Variants in FBXO42 observed in about 807,000 individuals in gnomAD.
The protein encoded by FBXO42 is F-box only protein 42.
FBXO42 carries 12 observed loss-of-function variants against 71.7 expected under a neutral mutation model. The observed-to-expected ratio is 0.17, with a 90% CI of 0.11 to 0.27. FBXO42 has a LOEUF of 0.27. FBXO42 is among the 10% of genes least tolerant of loss of function. The pLI is 1.00. For synonymous variants in FBXO42, 325 were observed against 327.5 expected, an observed-to-expected ratio of 0.99 and a Z score of 0.08; for missense variants, 707 against 911.9, an observed-to-expected ratio of 0.78 and a Z score of 2.89.
intron 4 of FBXO42, among the ~76,000 whole-genome samples, chr1:16,260,523 CTTTTT>C (rs987413235): frequency 6.6e-6 from 1 of 151,930 alleles, no homozygotes. Context: ...TACTATGCAG[CTTTTT>C]AAGTGCTTTG....
chr1:16,350,614 G>A (rs913575161), intron 1 of FBXO42, among the ~76,000 whole-genome samples: 6 of 148,926 alleles, frequency 4.0e-5, no homozygotes, highest in African/African-American at 1.5e-4. Context: ...GGGCGTGGTG[G>A]CGCACACCTG....
intron 4 of FBXO42, among the ~76,000 whole-genome samples, chr1:16,274,242 C>T (rs1299947718): frequency 6.6e-6 from 1 of 151,666 alleles, no homozygotes; most frequent in African/African-American, 2.4e-5. Context: ...AGAGCTGGAG[C>T]TGCGGTGAGC....
chr1:16,256,732 G>C lies in FBXO42; in HGVS notation c.530C>G (p.Ala177Gly), dbSNP rs1376955546. Residue 177 changes from alanine (A) to glycine (G), a missense_variant, in exon 5 of 10, where the codon GCA becomes GGA. Coordinates refer to ENST00000375592, the MANE Select transcript of FBXO42 (RefSeq NM_018994.3). The part of the protein sequence containing the change: ...SGSYPSPKAG[A>G]TLVVYKDLLV... ...CAAGTCCTTGTACACGACCAGAGTT[G>C]CTCCAGCTTTGGGGGAAGGATAGGA... 6.2e-7 allele frequency: 1 copy of C among 1,614,184 alleles called. No homozygotes were observed. Among genetic ancestry groups the C allele is most frequent in the South Asian group, 1.1e-5 (1 of 91,086 alleles).
intron 4 of FBXO42, among the ~76,000 whole-genome samples, chr1:16,288,451 A>AT (rs1170207717): frequency 0.016 from 2,273 of 139,744 alleles, 52 homozygotes; most frequent in African/African-American, 0.058. Flanking sequence ...AATAAAAATA[A>AT]AAATAATAAT....
At chr1:16,261,207 G>C (rs2081707641) in intron 4 of FBXO42, among the ~76,000 whole-genome samples, 1 of 152,112 alleles carries the variant, frequency 6.6e-6, no homozygotes, top group African/African-American at 2.4e-5. Context: ...GCTATTCTTA[G>C]AACCTCTTTT....
chr1:16,343,198 A>G (rs963530674), intron 1 of FBXO42, among the ~76,000 whole-genome samples: 2 of 152,208 alleles, frequency 1.3e-5, no homozygotes, highest in Non-Finnish European at 2.9e-5. Context: ...AATATTTAGT[A>G]TATTTTCCAG....
At chr1:16,350,757 A>AGAAAGAAAG (rs1553156684) in intron 1 of FBXO42, among the ~76,000 whole-genome samples, 20 of 44,268 alleles carry the variant, frequency 4.5e-4, no homozygotes, top group Non-Finnish European at 6.2e-4. Context: ...AAAAAAAAAA[A>AGAAAGAAAG]AAAGAAAGAA....
chr1:16,275,346 G>A (rs1181401985), intron 4 of FBXO42, among the ~76,000 whole-genome samples: 14 of 152,174 alleles, frequency 9.2e-5, no homozygotes, highest in Admixed American at 9.2e-4. Flanking sequence ...CATCAGGTGC[G>A]ATGGCTCATG....
intron 4 of FBXO42, among the ~76,000 whole-genome samples, chr1:16,289,709 C>A (rs182003683): frequency 2.6e-5 from 4 of 152,124 alleles, no homozygotes; most frequent in African/African-American, 9.7e-5. Flanking sequence ...AACAAAAAGT[C>A]TCCTGTTTAA....
At chr1:16,295,477 GC>G (rs1191711561) in intron 3 of FBXO42, among the ~76,000 whole-genome samples, 1 of 151,650 alleles carries the variant, frequency 6.6e-6, no homozygotes, top group Non-Finnish European at 1.5e-5. Context: ...TGCAACATCT[GC>G]CTCCCAGGTG....
At chr1:16,297,180 G>A (rs1268806602) in intron 3 of FBXO42, among the ~76,000 whole-genome samples, 2 of 151,992 alleles carry the variant, frequency 1.3e-5, no homozygotes, top group African/African-American at 4.8e-5. Context: ...CTGACCTCAG[G>A]TGATCCACCC....
intron 4 of FBXO42, among the ~76,000 whole-genome samples, chr1:16,281,664 CTT>C (rs1347142983): frequency 2.9e-5 from 4 of 139,528 alleles, no homozygotes; most frequent in Admixed American, 7.2e-5. Context: ...CTTTTTCTTT[CTT>C]TTTTTTTTTT....
chr1:16,283,566 T>C (rs1479608876), intron 4 of FBXO42, among the ~76,000 whole-genome samples: 1 of 141,688 alleles, frequency 7.1e-6, no homozygotes, highest in African/African-American at 2.6e-5. Context: ...GGCACAATCT[T>C]GGCTCACTGC....
At chr1:16,270,848 G>T (rs1471059697) in intron 4 of FBXO42, among the ~76,000 whole-genome samples, 5 of 150,806 alleles carry the variant, frequency 3.3e-5, no homozygotes, top group Non-Finnish European at 7.4e-5. Flanking sequence ...AGTCAGCAGT[G>T]ACTAAAACAG....
At chr1:16,333,935 T>C (rs2082525896) in intron 1 of FBXO42, among the ~76,000 whole-genome samples, 1 of 152,186 alleles carries the variant, frequency 6.6e-6, no homozygotes, top group Non-Finnish European at 1.5e-5. Context: ...TGCTATGATC[T>C]CAGGAAAATT....
chr1:16,337,520 A>G (rs1044687568), intron 1 of FBXO42, among the ~76,000 whole-genome samples: 3 of 152,098 alleles, frequency 2.0e-5, no homozygotes, highest in African/African-American at 7.2e-5. Flanking sequence ...CAATCATAGG[A>G]CTCCATTTAT....
intron 3 of FBXO42, among the ~76,000 whole-genome samples, chr1:16,295,510 C>G (rs1303861781): frequency 6.6e-6 from 1 of 152,066 alleles, no homozygotes; most frequent in Non-Finnish European, 1.5e-5. Context: ...CCTGCCTCAG[C>G]CTCCCAAGTA....
chr1:16,260,365 C>G (rs180775359), intron 4 of FBXO42, among the ~76,000 whole-genome samples: 1 of 151,952 alleles, frequency 6.6e-6, no homozygotes, highest in Non-Finnish European at 1.5e-5. Flanking sequence ...TATACTGCCA[C>G]GCCCGGCTAA....
chr1:16,274,229 C>A (rs1226810131), intron 4 of FBXO42, among the ~76,000 whole-genome samples: 1 of 151,732 alleles, frequency 6.6e-6, no homozygotes, highest in African/African-American at 2.4e-5. Flanking sequence ...TTGCTTGAGC[C>A]CAAGAGCTGG....
Sources: gnomAD v4.1 joint callset for allele counts (sites outside exome capture counted in the v4.1 genomes callset) on GRCh38, gnomAD v4.1.1 for gene constraint, MANE v1.5 for transcripts, NCBI Gene and HGNC (gene_info 2026-07-23, HGNC 2026-07-21) for gene names.